NKAIN3: variants seen among roughly 807,000 people sequenced by gnomAD.
NKAIN3 encodes sodium/potassium transporting ATPase interacting 3, also known as sodium/potassium-transporting ATPase subunit beta-1-interacting protein 3.
A neutral mutation model predicts 30.2 loss-of-function variants in NKAIN3; 25 were observed. That is an observed-to-expected ratio of 0.83 (90% CI 0.60 to 1.16). NKAIN3 has a LOEUF of 1.16. Ranked by LOEUF, NKAIN3 falls within the 50% of genes most tolerant of loss-of-function variation. NKAIN3 has a pLI of 0.00. For missense variants in NKAIN3, 225 were observed against 254.1 expected, an observed-to-expected ratio of 0.89 and a Z score of 0.78; for synonymous variants, 91 against 89.6, an observed-to-expected ratio of 1.02 and a Z score of -0.09.
intron 3 of NKAIN3, among the ~76,000 whole-genome samples, chr8:62,672,725 G>T (rs552166501): frequency 6.6e-6 from 1 of 152,032 alleles, no homozygotes; most frequent in Non-Finnish European, 1.5e-5. Flanking sequence ...TTTCCTGAAT[G>T]ACTCTTTTAT....
At chr8:62,605,139 T>C (rs114952034) in intron 3 of NKAIN3, among the ~76,000 whole-genome samples, 2,356 of 152,154 alleles carry the variant, frequency 0.015, 60 homozygotes, top group African/African-American at 0.055. Flanking sequence ...AGAATACAAA[T>C]ATGTTCTTGC....
rs1272082106 is a variant in NKAIN3, at chr8:62,972,783, A to G, written c.*7376A>G. Reference sequence around the variant, plus strand: ...GGTGGTTTGCTGCACCCATCAATTCATCATCTACATTAGGTATATCTCCTA... The same window carrying G: ...GGTGGTTTGCTGCACCCATCAATTCGTCATCTACATTAGGTATATCTCCTA... On this transcript the variant is annotated 3_prime_UTR_variant, in exon 7 of 7. Transcript: ENST00000623646. 4.6e-5 allele frequency among the ~76,000 whole-genome samples: 7 copies of G among 152,098 alleles called. No individual in the cohort carries two copies. Among genetic ancestry groups the G allele is most frequent in the African/African-American group, 9.7e-5 (4 of 41,402 alleles).
chr8:62,420,317 A>T (rs1003183075), intron 1 of NKAIN3, among the ~76,000 whole-genome samples: 18 of 152,130 alleles, frequency 1.2e-4, no homozygotes, highest in African/African-American at 3.6e-4. Flanking sequence ...TCTCACTTAA[A>T]CTCATGCCTC....
chr8:62,554,449 C>A (rs977094714), intron 1 of NKAIN3, among the ~76,000 whole-genome samples: 1 of 152,054 alleles, frequency 6.6e-6, no homozygotes, highest in African/African-American at 2.4e-5. Flanking sequence ...AGACCTAACC[C>A]ATCCCCAGAA....
At chr8:62,345,328 CATATATGTATATAT>C in intron 1 of NKAIN3, among the ~76,000 whole-genome samples, 1 of 117,450 alleles carries the variant, frequency 8.5e-6, no homozygotes, top group Non-Finnish European at 1.7e-5. Flanking sequence ...CATATATACA[CATATATGTATATAT>C]ACACACATAT....
chr8:62,380,683 C>A (rs572846314), intron 1 of NKAIN3, among the ~76,000 whole-genome samples: 1 of 152,286 alleles, frequency 6.6e-6, no homozygotes, highest in African/African-American at 2.4e-5. Flanking sequence ...CCCATGTCAA[C>A]CTTCGAGTTT....
chr8:62,496,070 A>G (rs1267637170), intron 1 of NKAIN3, among the ~76,000 whole-genome samples: 1 of 152,144 alleles, frequency 6.6e-6, no homozygotes, highest in Non-Finnish European at 1.5e-5. Flanking sequence ...GTGGTTAGAT[A>G]CTTTTATTAA....
intron 1 of NKAIN3, among the ~76,000 whole-genome samples, chr8:62,575,628 T>C (rs1366707039): frequency 6.6e-6 from 1 of 152,114 alleles, no homozygotes; most frequent in Admixed American, 6.6e-5. Context: ...AAAATTTATA[T>C]GTAGTCACAA....
intron 1 of NKAIN3, among the ~76,000 whole-genome samples, chr8:62,278,382 G>T (rs999542930): frequency 2.0e-5 from 3 of 149,348 alleles, no homozygotes; most frequent in African/African-American, 7.4e-5. Context: ...CCTACTGCTG[G>T]TTTTTTTTTT....
intron 5 of NKAIN3, among the ~76,000 whole-genome samples, chr8:62,934,205 T>A (rs1822711343): frequency 6.6e-6 from 1 of 150,644 alleles, no homozygotes; most frequent in East Asian, 1.9e-4. Flanking sequence ...GGCGACATGG[T>A]GAGACCTTCT....
intron 4 of NKAIN3, among the ~76,000 whole-genome samples, chr8:62,825,622 A>T (rs28510229): frequency 6.6e-6 from 1 of 152,138 alleles, no homozygotes; most frequent in Non-Finnish European, 1.5e-5. Flanking sequence ...AACCTGACTG[A>T]CAATCAGAAT....
intron 4 of NKAIN3, among the ~76,000 whole-genome samples, chr8:62,754,352 G>GTTGA (rs1816381403): frequency 8.0e-6 from 1 of 125,200 alleles, no homozygotes; most frequent in South Asian, 2.8e-4. Context: ...ATATGCTCAT[G>GTTGA]TTGATTAGTG....
intron 1 of NKAIN3, among the ~76,000 whole-genome samples, chr8:62,430,435 T>G (rs994027274): frequency 6.6e-6 from 1 of 150,512 alleles, no homozygotes; most frequent in Non-Finnish European, 1.5e-5. Flanking sequence ...GACCCTGCTT[T>G]CAATATTTTG....
intron 4 of NKAIN3, among the ~76,000 whole-genome samples, chr8:62,829,758 A>AGATAGATAGATAGAT (rs1399097142): frequency 2.0e-5 from 3 of 151,992 alleles, no homozygotes; most frequent in African/African-American, 7.3e-5. Flanking sequence ...ATAGATAGAT[A>AGATAGATAGATAGAT]GATAGATAGA....
At chr8:62,342,984 A>G (rs1010888531) in intron 1 of NKAIN3, among the ~76,000 whole-genome samples, 110 of 152,126 alleles carry the variant, frequency 7.2e-4, no homozygotes, top group Non-Finnish European at 3.2e-4. Flanking sequence ...ATGAGAACTC[A>G]GAGAGTGGAA....
chr8:62,874,069 C>T (rs931713696), intron 4 of NKAIN3, among the ~76,000 whole-genome samples: 4 of 151,586 alleles, frequency 2.6e-5, no homozygotes, highest in Non-Finnish European at 5.9e-5. Flanking sequence ...AAAAAACTAA[C>T]AAAATAGATA....
intron 3 of NKAIN3, among the ~76,000 whole-genome samples, chr8:62,609,393 G>A (rs1412931206): frequency 6.6e-6 from 1 of 152,098 alleles, no homozygotes; most frequent in Non-Finnish European, 1.5e-5. Context: ...TATTTTGTTA[G>A]ATACAATCTT....
At chr8:62,733,058 T>C (rs1325047542) in intron 3 of NKAIN3, among the ~76,000 whole-genome samples, 2 of 152,098 alleles carry the variant, frequency 1.3e-5, no homozygotes, top group African/African-American at 4.8e-5. Context: ...ATTTATTCTC[T>C]ACTACTTCAA....
chr8:62,714,292 G>C (rs1282887527), intron 3 of NKAIN3, among the ~76,000 whole-genome samples: 1 of 151,346 alleles, frequency 6.6e-6, no homozygotes, highest in African/African-American at 2.4e-5. Context: ...TAACATACTA[G>C]GGTACCTAAC....
Sources: allele counts gnomAD v4.1 joint callset (sites outside exome capture counted in the v4.1 genomes callset), GRCh38; gene constraint gnomAD v4.1.1; transcripts MANE v1.5; gene names NCBI Gene and HGNC (gene_info 2026-07-23, HGNC 2026-07-21).